RORB: variants seen among roughly 807,000 people sequenced by gnomAD.
RORB encodes the protein nuclear receptor ROR-beta.
Under a neutral mutation model 59.1 loss-of-function variants are expected in RORB, and 6 were observed. The ratio of observed to expected loss-of-function variants is 0.10; its 90% CI spans 0.06 to 0.20. RORB has a LOEUF of 0.20. Ranked by LOEUF, RORB falls within the 10% of genes least tolerant of loss-of-function variation. The pLI, the probability that RORB is intolerant of heterozygous loss-of-function variation, is 1.00. For missense variants in RORB, 320 were observed against 560.5 expected, an observed-to-expected ratio of 0.57 and a Z score of 4.33; for synonymous variants, 215 against 204.5, an observed-to-expected ratio of 1.05 and a Z score of -0.44.
intron 1 of RORB, among the ~76,000 whole-genome samples, chr9:74,499,590 G>A (rs1344798418): frequency 6.6e-6 from 1 of 152,210 alleles, no homozygotes; most frequent in Non-Finnish European, 1.5e-5. Context: ...GCTGGCTCCA[G>A]CTGATTGTCC....
chr9:74,532,923 A>G (rs1330862861), intron 1 of RORB, among the ~76,000 whole-genome samples: 1 of 150,460 alleles, frequency 6.6e-6, no homozygotes, highest in African/African-American at 2.5e-5. Flanking sequence ...AGTGACCTTC[A>G]TTTTAAAATC....
intron 1 of RORB, among the ~76,000 whole-genome samples, chr9:74,598,367 C>G (rs1430281882): frequency 6.6e-6 from 1 of 152,096 alleles, no homozygotes; most frequent in Non-Finnish European, 1.5e-5. Context: ...TCCTAACAGC[C>G]CACTCTCGAT....
At chr9:74,639,612 T>C (rs966306938) in intron 3 of RORB, among the ~76,000 whole-genome samples, 3 of 152,182 alleles carry the variant, frequency 2.0e-5, no homozygotes, top group African/African-American at 7.2e-5. Context: ...TGCAAAACTA[T>C]TCTACTAAAA....
intron 2 of RORB, among the ~76,000 whole-genome samples, chr9:74,631,014 C>T (rs1397697627): frequency 1.3e-5 from 2 of 152,140 alleles, no homozygotes; most frequent in Non-Finnish European, 2.9e-5. Flanking sequence ...AAGAACAGAG[C>T]ATGGCCAAAA....
At chr9:74,634,054 G>A (rs577566740) in intron 2 of RORB, among the ~76,000 whole-genome samples, 2 of 145,554 alleles carry the variant, frequency 1.4e-5, no homozygotes, top group Admixed American at 1.4e-4. Flanking sequence ...AGCGTGAACA[G>A]CATAGCAAGA....
chr9:74,636,323 T>C lies in RORB; in HGVS notation c.235+1551T>C, dbSNP rs150590521. The stretch of plus-strand genomic sequence containing the variant: ...AATAATTGTGCAAAGAGATAAGCCA[T>C]AGGGTATTTGATTTTGTTACTTCTT... On this transcript the variant is annotated intron_variant, in intron 3 of 9. Transcript: ENST00000376896. Among the ~76,000 whole-genome samples, 24 of 152,250 alleles carry C rather than the reference T, an allele frequency of 1.6e-4. No homozygotes were observed. The East Asian group carries it at 4.3e-3, about 27-fold the overall frequency.
chr9:74,498,046 T>G, intron 1 of RORB, 63 bp downstream of exon 1: 3 of 1,583,164 alleles, frequency 1.9e-6, no homozygotes, highest in Non-Finnish European at 2.6e-6. Context: ...GACGGGGAGA[T>G]GGGGGAGGGG....
Position 74,691,177 on chromosome 9 carries a change from A to G in RORB, c.*5559A>G, listed in dbSNP as rs965763581. ...CTTTGCCTCCTGCGTGACTGTAAGC[A>G]TGGCCTCCAGTGGATCAGAGAAAGC... On this transcript the variant is annotated 3_prime_UTR_variant, in exon 10 of 10. Transcript: ENST00000376896. The G allele has an allele frequency of 1.3e-5, 2 of 152,200 alleles. No individual in the cohort carries two copies. Among genetic ancestry groups the G allele is most frequent in the African/African-American group, 4.8e-5 (2 of 41,424 alleles). 9.4% of individuals were successfully genotyped at this position (152,200 alleles called of 1,614,324 possible). A position where few individuals can be genotyped will look rare whatever the true frequency, so the allele number is the denominator to read the frequency against.
chr9:74,521,181 AC>A (rs1826080870), intron 1 of RORB, among the ~76,000 whole-genome samples: 1 of 151,902 alleles, frequency 6.6e-6, no homozygotes, highest in African/African-American at 2.4e-5. Context: ...ATAATGTTTC[AC>A]TTAAGGGTCT....
chr9:74,568,248 C>T (rs985648990), intron 1 of RORB, among the ~76,000 whole-genome samples: 1 of 151,414 alleles, frequency 6.6e-6, no homozygotes, highest in Non-Finnish European at 1.5e-5. Context: ...TGGCCTAGAG[C>T]ATCTATTTAT....
chr9:74,531,289 C>T (rs937871189), intron 1 of RORB, among the ~76,000 whole-genome samples: 10 of 151,934 alleles, frequency 6.6e-5, no homozygotes, highest in African/African-American at 2.2e-4. Context: ...CTTTTTAAAA[C>T]GCAGCCATTA....
At chr9:74,588,298 T>G (rs1822837307) in intron 1 of RORB, among the ~76,000 whole-genome samples, 1 of 152,140 alleles carries the variant, frequency 6.6e-6, no homozygotes, top group South Asian at 2.1e-4. Context: ...ACTCTAATAT[T>G]CTTTAACTAT....
intron 1 of RORB, among the ~76,000 whole-genome samples, chr9:74,623,600 G>A (rs1023526661): frequency 1.2e-4 from 19 of 152,200 alleles, no homozygotes; most frequent in Non-Finnish European, 2.1e-4. Flanking sequence ...TGGCTACCTG[G>A]ACATCACAGA....
At position 74,688,701 on chromosome 9, in the gene RORB, G is replaced by A. The variant is rs1427845750; in HGVS notation, c.*3083G>A. ...GAGCACCTCTCTGACAAGGCTTTCA[G>A]ACCAACAAGCAGTAACTTCATGTCA... On this transcript the variant is annotated 3_prime_UTR_variant, in exon 10 of 10. Coordinates refer to ENST00000376896, the MANE Select transcript of RORB (RefSeq NM_006914.4). 1.3e-5 allele frequency: 2 copies of A among 152,154 alleles called. No individual in the cohort carries two copies. The highest frequency in any genetic ancestry group is 2.9e-5 in the Non-Finnish European group (2 of 68,036). 9.4% of individuals were successfully genotyped at this position (152,154 alleles called of 1,614,324 possible).
intron 1 of RORB, among the ~76,000 whole-genome samples, chr9:74,563,048 T>TG (rs1822420393): frequency 1.3e-5 from 2 of 152,318 alleles, no homozygotes; most frequent in African/African-American, 4.8e-5. Flanking sequence ...AATGATATGT[T>TG]GCCACTACCT....
At chr9:74,608,325 G>C (rs547540806) in intron 1 of RORB, among the ~76,000 whole-genome samples, 3 of 152,070 alleles carry the variant, frequency 2.0e-5, no homozygotes, top group Non-Finnish European at 4.4e-5. Context: ...CAGCACTTTG[G>C]GAGGCCGAGG....
intron 1 of RORB, among the ~76,000 whole-genome samples, chr9:74,550,968 A>G (rs928407816): frequency 1.3e-5 from 2 of 152,170 alleles, no homozygotes; most frequent in Non-Finnish European, 2.9e-5. Context: ...AATATTTTAG[A>G]TATATTGGAT....
chr9:74,667,445 C>T (rs183518671), intron 7 of RORB, among the ~76,000 whole-genome samples: 1 of 152,220 alleles, frequency 6.6e-6, no homozygotes, highest in East Asian at 1.9e-4. Flanking sequence ...TAAAGGATCC[C>T]CAAATCACTT....
intron 1 of RORB, among the ~76,000 whole-genome samples, chr9:74,610,958 G>T (rs567913136): frequency 1.3e-5 from 2 of 152,302 alleles, no homozygotes; most frequent in East Asian, 3.9e-4. Context: ...ACCTCCGTGG[G>T]ATGGTTTCTA....
Sources: gnomAD v4.1 joint callset for allele counts (sites outside exome capture counted in the v4.1 genomes callset) on GRCh38, gnomAD v4.1.1 for gene constraint, MANE v1.5 for transcripts, NCBI Gene and HGNC (gene_info 2026-07-23, HGNC 2026-07-21) for gene names.